Variants in NCKAP5 observed in about 807,000 individuals in gnomAD.
NCKAP5 encodes the protein nck-associated protein 5.
In NCKAP5, 92 loss-of-function variants were observed where a neutral mutation model predicts 167.0. The observed-to-expected ratio is 0.55, with a 90% CI of 0.47 to 0.66. The LOEUF is 0.66. Ranked by LOEUF, NCKAP5 falls within the 30% of genes least tolerant of loss-of-function variation. The probability of loss-of-function intolerance (pLI) is 0.00; values close to 1 mark genes in which losing one functional copy is unlikely to be tolerated. For missense variants in NCKAP5, 2,378 were observed against 2,315.0 expected, an observed-to-expected ratio of 1.03 and a Z score of -0.56; for synonymous variants, 891 against 877.4, an observed-to-expected ratio of 1.02 and a Z score of -0.27.
intron 5 of NCKAP5, among the ~76,000 whole-genome samples, chr2:133,210,648 T>A (rs151180171): frequency 2.9e-4 from 44 of 152,222 alleles, no homozygotes; most frequent in Admixed American, 2.6e-3. Flanking sequence ...GAATCAGGAC[T>A]TCAGAAATAA....
chr2:133,342,273 G>A (rs1369293086), intron 3 of NCKAP5, among the ~76,000 whole-genome samples: 1 of 152,268 alleles, frequency 6.6e-6, no homozygotes, highest in East Asian at 1.9e-4. Context: ...GATTTACTGA[G>A]ATTTTGATGC....
At chr2:133,304,875 A>G (rs1224730270) in intron 3 of NCKAP5, among the ~76,000 whole-genome samples, 1 of 152,220 alleles carries the variant, frequency 6.6e-6, no homozygotes, top group Admixed American at 6.5e-5. Context: ...GTTACGTGCT[A>G]TGAAGTAAAC....
intron 3 of NCKAP5, among the ~76,000 whole-genome samples, chr2:133,320,007 C>A (rs572218511): frequency 2.6e-5 from 4 of 152,082 alleles, no homozygotes; most frequent in Admixed American, 2.6e-4. Context: ...GATTATTATT[C>A]ATTCCGGTCA....
rs1387328992 is a variant in NCKAP5, at chr2:133,549,318, A to T, written c.-62+9732T>A. 2.0e-5 allele frequency among the ~76,000 whole-genome samples: 3 copies of T among 149,082 alleles called. No individual in the cohort carries two copies. The East Asian group carries it at 5.8e-4, about 29-fold the overall frequency. On this transcript the variant is annotated intron_variant, in intron 2 of 19. Coordinates refer to ENST00000409261, the MANE Select transcript of NCKAP5 (RefSeq NM_207363.3). ...TTTTTTTCAGCACCACACCACACCTATTCCAAAATTGACCACATAGTTGGA... is the reference window on the plus strand; with the variant it reads ...TTTTTTTCAGCACCACACCACACCTTTTCCAAAATTGACCACATAGTTGGA...
At chr2:132,838,057 A>G (rs1183129238) in intron 11 of NCKAP5, among the ~76,000 whole-genome samples, 1 of 152,152 alleles carries the variant, frequency 6.6e-6, no homozygotes, top group Non-Finnish European at 1.5e-5. Context: ...GGCATCTCTG[A>G]GCATGGAGCC....
chr2:133,590,576 G>A, the NCKAP5 span, among the ~76,000 whole-genome samples: 3 of 150,248 alleles, frequency 2.0e-5, no homozygotes, highest in East Asian at 2.0e-4. Flanking sequence ...TGGGTGCAGA[G>A]GCCTGAGAAC....
intron 4 of NCKAP5, among the ~76,000 whole-genome samples, chr2:133,234,369 A>G (rs768460596): frequency 1.3e-5 from 2 of 152,202 alleles, no homozygotes; most frequent in Non-Finnish European, 2.9e-5. Context: ...TTCTTTCCCA[A>G]TAAAACTCAT....
In NCKAP5 at chr2:132,723,752, G is replaced by A. The variant is rs148057006; in HGVS notation, c.5713+1875C>T. On this transcript the variant is annotated intron_variant, in intron 19 of 19. Coordinates refer to ENST00000409261, the MANE Select transcript of NCKAP5 (RefSeq NM_207363.3). The stretch of plus-strand genomic sequence containing the variant: ...ACTTAGCCAGTGCTGGTCACTGTGT[G>A]GAGTGCAACCACCCTGGTCCAAGCT... 3.3e-4 allele frequency among the ~76,000 whole-genome samples: 50 copies of A among 152,300 alleles called. No individual in the cohort carries two copies. The East Asian group carries it at 9.7e-3, about 29-fold the overall frequency.
At chr2:132,900,238 G>A (rs1466336386) in intron 8 of NCKAP5, among the ~76,000 whole-genome samples, 1 of 152,140 alleles carries the variant, frequency 6.6e-6, no homozygotes, top group Non-Finnish European at 1.5e-5. Flanking sequence ...AATGTGAAAA[G>A]GAGACACAAA....
chr2:133,537,167 C>T (rs543737623), intron 2 of NCKAP5, among the ~76,000 whole-genome samples: 1 of 152,134 alleles, frequency 6.6e-6, no homozygotes, highest in Non-Finnish European at 1.5e-5. Flanking sequence ...TATGTCTAGC[C>T]TTATGTCAGC....
intron 17 of NCKAP5, 56 bp from the exon 18 acceptor site, chr2:132,729,008 G>A: frequency 1.3e-6 from 2 of 1,599,610 alleles, no homozygotes; most frequent in Non-Finnish European, 1.7e-6. Flanking sequence ...CATTTTACAA[G>A]TTTAGGGAAG....
At chr2:133,482,256 C>T (rs1165217007) in intron 3 of NCKAP5, among the ~76,000 whole-genome samples, 1 of 151,138 alleles carries the variant, frequency 6.6e-6, no homozygotes, top group Non-Finnish European at 1.5e-5. Flanking sequence ...CATGCACTGA[C>T]ACTCAGGCTG....
intron 2 of NCKAP5, among the ~76,000 whole-genome samples, chr2:133,550,748 G>C (rs1203807352): frequency 1.5e-5 from 2 of 131,478 alleles, no homozygotes; most frequent in Non-Finnish European, 1.6e-5. Context: ...TTCTGGCCAG[G>C]GCAATCAGGC....
the NCKAP5 span, among the ~76,000 whole-genome samples, chr2:133,626,199 G>A: frequency 2.0e-5 from 3 of 152,076 alleles, no homozygotes; most frequent in Non-Finnish European, 2.9e-5. Flanking sequence ...ATAATCACTC[G>A]TTACTACTAT....
chr2:133,102,439 G>A (rs775528519), intron 6 of NCKAP5, among the ~76,000 whole-genome samples: 4 of 152,214 alleles, frequency 2.6e-5, no homozygotes, highest in South Asian at 2.1e-4. Context: ...GAGCCATCAC[G>A]CCTGGCCTTT....
chr2:133,172,197 C>A (rs917953793), intron 5 of NCKAP5, among the ~76,000 whole-genome samples: 5 of 152,056 alleles, frequency 3.3e-5, no homozygotes, highest in African/African-American at 1.2e-4. Flanking sequence ...GCAAAGCAAA[C>A]AAAAGTATAT....
At chr2:133,388,628 C>T (rs539463771) in intron 3 of NCKAP5, among the ~76,000 whole-genome samples, 21 of 152,330 alleles carry the variant, frequency 1.4e-4, no homozygotes, top group Admixed American at 1.1e-3. Flanking sequence ...TGCCCTGCCC[C>T]CACAGGTGGA....
the NCKAP5 span, among the ~76,000 whole-genome samples, chr2:133,613,203 C>T: frequency 7.9e-5 from 12 of 152,260 alleles, no homozygotes; most frequent in South Asian, 4.1e-4. Context: ...AGAAACACTC[C>T]TATGGCCATT....
At chr2:132,864,816 A>G (rs1690210988) in intron 10 of NCKAP5, among the ~76,000 whole-genome samples, 1 of 152,226 alleles carries the variant, frequency 6.6e-6, no homozygotes, top group Admixed American at 6.5e-5. Context: ...GGCAGTGTCT[A>G]TCATGGGAAT....
Sources: allele counts gnomAD v4.1 joint callset (sites outside exome capture counted in the v4.1 genomes callset), GRCh38; gene constraint gnomAD v4.1.1; transcripts MANE v1.5; gene names NCBI Gene and HGNC (gene_info 2026-07-23, HGNC 2026-07-21).